Variants in CELF2 observed in about 807,000 individuals in gnomAD.
CELF2 encodes CUG triplet repeat RNA-binding protein 2.
In CELF2, 8 loss-of-function variants were observed where a neutral mutation model predicts 62.6. The ratio of observed to expected loss-of-function variants is 0.13; its 90% confidence interval spans 0.07 to 0.23. CELF2 has a LOEUF of 0.23. Ranked by LOEUF, CELF2 falls within the 10% of genes least tolerant of loss-of-function variation. The pLI, the probability that CELF2 is intolerant of heterozygous loss-of-function variation, is 1.00. For missense variants in CELF2, 333 were observed against 671.0 expected (o/e 0.50, Z 5.56); for synonymous variants, 258 against 250.0 (o/e 1.03, Z -0.30).
chr10:10,666,368 G>A, the CELF2 span, among the ~76,000 whole-genome samples: 7 of 152,228 alleles, frequency 4.6e-5, 1 homozygote, highest in South Asian at 1.5e-3. Context: ...ATAGCACCAG[G>A]TGACCACACA....
At chr10:10,944,696 G>T (rs1235278720) in intron 2 of CELF2, among the ~76,000 whole-genome samples, 2 of 151,970 alleles carry the variant, frequency 1.3e-5, no homozygotes, top group East Asian at 3.9e-4. Flanking sequence ...CCACCTCCCA[G>T]GTTCAAGCGA....
chr10:11,330,794 G>A lies in CELF2; in HGVS notation c.*1741G>A, dbSNP rs1471165345. On this transcript the variant is annotated 3_prime_UTR_variant, in exon 13 of 13. Transcript: ENST00000633077. This position sits in a 1 kb window ranked among gnomAD's most constrained non-coding sequence, Gnocchi z 4.5. ...GACTTGAAAGTATTATACAGGGATT[G>A]GCATTCTTCCCGGTCACTGGTAACA... 2 of 152,474 alleles carry A rather than the reference G, an allele frequency of 1.3e-5. No individual in the cohort carries two copies. The highest frequency in any genetic ancestry group is 4.8e-5 in the African/African-American group (2 of 41,382). 9.4% of individuals were successfully genotyped at this position (152,474 alleles called of 1,614,324 possible).
At chr10:10,514,504 C>T in the CELF2 span, among the ~76,000 whole-genome samples, 1,432 of 152,290 alleles carry the variant, frequency 9.4e-3, 17 homozygotes, top group African/African-American at 0.032. Context: ...AAACAGCAAG[C>T]GCAAAGCAGC....
the CELF2 span, among the ~76,000 whole-genome samples, chr10:10,700,974 T>C: frequency 3.3e-5 from 5 of 152,222 alleles, no homozygotes; most frequent in Non-Finnish European, 5.9e-5. Flanking sequence ...GCTTTATCTT[T>C]TATTCTGCTG....
chr10:11,126,754 T>G (rs2058767691), intron 1 of CELF2, among the ~76,000 whole-genome samples: 1 of 152,216 alleles, frequency 6.6e-6, no homozygotes, highest in South Asian at 2.1e-4. Flanking sequence ...TTCTGGTAGT[T>G]AGCATTTTAT....
At chr10:11,274,977 A>C in intron 7 of CELF2, 80 bp from the exon 8 acceptor site, 1 of 1,349,192 alleles carries the variant, frequency 7.4e-7, no homozygotes, top group Non-Finnish European at 1.1e-6. Context: ...ATGCAGAGTA[A>C]ACTGAATTTG....
At chr10:11,204,306 C>T (rs1109861) in intron 2 of CELF2, among the ~76,000 whole-genome samples, 64 of 152,028 alleles carry the variant, frequency 4.2e-4, no homozygotes, top group Admixed American at 9.8e-4. Flanking sequence ...GCCATTAAAC[C>T]GCATCTCTCT....
Position 11,184,037 on chromosome 10 carries a change from G to T in CELF2, c.271+18355G>T, listed in dbSNP as rs1250132200. Reference sequence around the variant, plus strand: ...ATATTTTCTTCTAGAAGTGTTACAGGTTTAGGCTTTACATTTTAGTCTTTG... The same window carrying T: ...ATATTTTCTTCTAGAAGTGTTACAGTTTTAGGCTTTACATTTTAGTCTTTG... On this transcript the variant is annotated intron_variant, in intron 2 of 12. Coordinates refer to ENST00000633077, the MANE Select transcript of CELF2 (RefSeq NM_001326342.2). Among the ~76,000 whole-genome samples the T allele has an allele frequency of 2.0e-5, 3 of 152,134 alleles. No individual in the cohort carries two copies. In the East Asian group the frequency reaches 5.8e-4, roughly 29 times the overall value.
the CELF2 span, among the ~76,000 whole-genome samples, chr10:10,638,788 AC>A: frequency 6.6e-6 from 1 of 152,208 alleles, no homozygotes; most frequent in African/African-American, 2.4e-5. Context: ...AAATGTATTC[AC>A]CAAATGCAGA....
intron 2 of CELF2, among the ~76,000 whole-genome samples, chr10:10,974,343 A>C (rs1379017164): frequency 6.6e-6 from 1 of 152,204 alleles, no homozygotes; most frequent in East Asian, 1.9e-4. Context: ...ATCTTAATTA[A>C]AAGTTTTCAC....
chr10:10,486,353 A>T, the CELF2 span, among the ~76,000 whole-genome samples: 2 of 152,232 alleles, frequency 1.3e-5, no homozygotes, highest in Non-Finnish European at 2.9e-5. Context: ...TTTTAATACC[A>T]TGATTTAATT....
At chr10:10,782,554 T>G in the CELF2 span, among the ~76,000 whole-genome samples, 1 of 152,282 alleles carries the variant, frequency 6.6e-6, no homozygotes, top group South Asian at 2.1e-4. Flanking sequence ...CAAAACAATG[T>G]TTAATCTGGG....
chr10:10,526,620 CA>C, the CELF2 span, among the ~76,000 whole-genome samples: 5 of 152,194 alleles, frequency 3.3e-5, no homozygotes, highest in East Asian at 9.6e-4. Context: ...ACAGGCATCT[CA>C]AAGTCCACCT....
the CELF2 span, among the ~76,000 whole-genome samples, chr10:10,569,579 G>C: frequency 6.6e-6 from 1 of 152,174 alleles, no homozygotes; most frequent in Admixed American, 6.6e-5. Context: ...CATTTGTGAA[G>C]CTAGGGTTAA....
the CELF2 span, among the ~76,000 whole-genome samples, chr10:10,704,337 A>T: frequency 6.6e-6 from 1 of 152,086 alleles, no homozygotes; most frequent in Non-Finnish European, 1.5e-5. Flanking sequence ...ATACCCACTC[A>T]TCTGCAAGAT....
At chr10:11,050,882 C>T (rs1030454362) in intron 1 of CELF2, among the ~76,000 whole-genome samples, 1 of 152,220 alleles carries the variant, frequency 6.6e-6, no homozygotes, top group Non-Finnish European at 1.5e-5. Flanking sequence ...ACCATTCACT[C>T]ACTCGCCCAC....
the CELF2 span, among the ~76,000 whole-genome samples, chr10:10,547,941 G>A: frequency 6.6e-6 from 1 of 152,126 alleles, no homozygotes; most frequent in African/African-American, 2.4e-5. Flanking sequence ...ACACCATCAT[G>A]TCATGTGGAG....
chr10:10,546,018 C>T, the CELF2 span, among the ~76,000 whole-genome samples: 1 of 152,108 alleles, frequency 6.6e-6, no homozygotes, highest in African/African-American at 2.4e-5. Context: ...CAGAGAACAG[C>T]CTTGTGCTAA....
At chr10:10,828,745 T>TTAGACC (rs2057611675) in intron 1 of CELF2, among the ~76,000 whole-genome samples, 1 of 152,226 alleles carries the variant, frequency 6.6e-6, no homozygotes, top group African/African-American at 2.4e-5. Context: ...AAACAGTATG[T>TTAGACC]TAGACCAAGA....
Sources: gnomAD v4.1 joint callset for allele counts (sites outside exome capture counted in the v4.1 genomes callset) on GRCh38, gnomAD v4.1.1 for gene constraint, Gnocchi (gnomAD v3.1) non-coding constraint, MANE v1.5 for transcripts, NCBI Gene and HGNC (gene_info 2026-07-23, HGNC 2026-07-21) for gene names.